Variants in NLRP5 observed in about 807,000 individuals in gnomAD.
The protein encoded by NLRP5 is NLR family pyrin domain containing 5.
NLRP5 carries 93 observed loss-of-function variants against 113.1 expected under a neutral mutation model. That is an observed-to-expected ratio of 0.82 (90% CI 0.70 to 0.98). The LOEUF is 0.98. NLRP5 is among the 50% of genes least tolerant of loss of function. The pLI is 0.00. For missense variants in NLRP5, 1,808 were observed against 1,514.3 expected (o/e 1.19, Z -3.22); for synonymous variants, 751 against 600.7 (o/e 1.25, Z -3.66).
the NLRP5 span, among the ~76,000 whole-genome samples, chr19:55,989,462 G>C: frequency 2.0e-5 from 3 of 152,020 alleles, no homozygotes; most frequent in African/African-American, 7.2e-5. Context: ...CATGTTGGCC[G>C]GGCTGGTCTC....
rs777303712 is a variant in NLRP5, at chr19:56,003,736, G to A, written c.83G>A (p.Gly28Asp). ...TTAAGTCTTGTCACTCTTTCCACAG[G>A]TCCTACTTGCTCTATATTACCAAAG... The change falls in exon 2 of 15, where the codon GGT becomes GAT. Residue 28 changes from glycine (G) to aspartate (D), a missense_variant. By Grantham distance (94) the Gly-to-Asp change is moderately conservative. Transcript: ENST00000390649. 1.2e-6 allele frequency: 2 copies of A among 1,610,040 alleles called. No individual in the cohort carries two copies. The highest frequency in any genetic ancestry group is 1.1e-5 in the South Asian group (1 of 90,416).
chr19:56,052,255 T>TTGTTTTTGTTTTTGTTTC (rs1204130256), intron 12 of NLRP5, among the ~76,000 whole-genome samples: 1 of 112,488 alleles, frequency 8.9e-6, no homozygotes, highest in Non-Finnish European at 2.3e-5. Context: ...TGTTTTGTTT[T>TTGTTTTTGTTTTTGTTTC]TGTTTTTGTT....
At chr19:56,009,716 T>C (rs995632493) in intron 3 of NLRP5, among the ~76,000 whole-genome samples, 4 of 152,194 alleles carry the variant, frequency 2.6e-5, no homozygotes, top group Admixed American at 6.6e-5. Context: ...AATTCTCCTC[T>C]GCTACCTGCG....
At chr19:56,023,742 G>C (rs1786178184) in intron 6 of NLRP5, among the ~76,000 whole-genome samples, 1 of 152,200 alleles carries the variant, frequency 6.6e-6, no homozygotes, top group South Asian at 2.1e-4. Flanking sequence ...TCAGGGACTT[G>C]AGTATCTGGA....
intron 6 of NLRP5, among the ~76,000 whole-genome samples, chr19:56,023,382 C>T (rs1034923426): frequency 6.6e-6 from 1 of 152,174 alleles, no homozygotes; most frequent in Non-Finnish European, 1.5e-5. Flanking sequence ...TCTGTTAACA[C>T]GTCCCCTGAT....
the NLRP5 span, among the ~76,000 whole-genome samples, chr19:55,994,621 C>T: frequency 3.3e-5 from 5 of 152,210 alleles, no homozygotes; most frequent in African/African-American, 1.2e-4. Context: ...TGGTCTCGAT[C>T]TCCTGACCTC....
the NLRP5 span, among the ~76,000 whole-genome samples, chr19:55,991,442 T>C: frequency 6.6e-6 from 1 of 152,178 alleles, no homozygotes; most frequent in Non-Finnish European, 1.5e-5. Context: ...ATTATACTGA[T>C]GGAGGATGAC....
At chr19:56,025,718 C>G (rs1355317864) in intron 6 of NLRP5, among the ~76,000 whole-genome samples, 8 of 152,006 alleles carry the variant, frequency 5.3e-5, no homozygotes, top group Non-Finnish European at 5.9e-5. Flanking sequence ...CCATTCCCCT[C>G]TTTATGTACA....
At position 56,033,588 on chromosome 19, in the gene NLRP5, A is replaced by C. The variant is rs1184418386; in HGVS notation, c.2494A>C (p.Ile832Leu). The C allele has an allele frequency of 6.2e-7, 1 of 1,613,784 alleles. No individual in the cohort carries two copies. ...CCCTGGTGTGCAGCACCTCTGGAGA[A>C]TCGTCATGGCCAACCGTAACCTAAG... The change falls in exon 9 of 15, where the codon ATC (isoleucine) becomes CTC (leucine). Residue 832 changes from isoleucine (I) to leucine (L), a missense_variant. By Grantham distance (5) the Ile-to-Leu change is conservative (BLOSUM62 2). Transcript: ENST00000390649.
At chr19:56,000,796 A>C (rs1255852105) in intron 1 of NLRP5, among the ~76,000 whole-genome samples, 1 of 151,342 alleles carries the variant, frequency 6.6e-6, no homozygotes, top group African/African-American at 2.4e-5. Flanking sequence ...TCATGAGGTC[A>C]AGAGATAGAG....
intron 3 of NLRP5, among the ~76,000 whole-genome samples, chr19:56,013,417 A>C (rs531325792): frequency 2.2e-4 from 33 of 151,814 alleles, no homozygotes; most frequent in East Asian, 9.7e-4. Context: ...TTGTCTCGAT[A>C]TCCTGACCTT....
At chr19:56,002,827 G>T (rs1419948676) in intron 1 of NLRP5, among the ~76,000 whole-genome samples, 1 of 151,906 alleles carries the variant, frequency 6.6e-6, no homozygotes, top group African/African-American at 2.4e-5. Context: ...AGTATTCCAT[G>T]GTGTATATGT....
intron 10 of NLRP5, among the ~76,000 whole-genome samples, chr19:56,038,797 C>T (rs1568496592): frequency 6.6e-6 from 1 of 152,164 alleles, no homozygotes. Flanking sequence ...TTCTGCACCC[C>T]TAACACCTAA....
At chr19:56,043,628 T>G (rs565239986) in intron 11 of NLRP5, among the ~76,000 whole-genome samples, 2 of 140,626 alleles carry the variant, frequency 1.4e-5, no homozygotes, top group African/African-American at 5.5e-5. Context: ...TGCAGTGGCG[T>G]GATCTCCGGT....
chr19:56,015,607 C>T, intron 3 of NLRP5, 135 bp from the exon 4 acceptor site: 1 of 562,464 alleles, frequency 1.8e-6, no homozygotes. Flanking sequence ...TGGCGCTGAG[C>T]CAGTGGTTCT....
At chr19:56,005,368 CACATAT>C (rs1456480470) in intron 2 of NLRP5, among the ~76,000 whole-genome samples, 1 of 145,692 alleles carries the variant, frequency 6.9e-6, no homozygotes, top group Non-Finnish European at 1.5e-5. Flanking sequence ...TTTATATACA[CACATAT>C]ATATTTATAT....
intron 4 of NLRP5, 78 bp downstream of exon 4, chr19:56,015,876 C>CG: frequency 2.8e-6 from 3 of 1,065,830 alleles, no homozygotes; most frequent in East Asian, 5.6e-5. Context: ...GTTCAAAGGA[C>CG]GGGGAAATCC....
intron 2 of NLRP5, among the ~76,000 whole-genome samples, chr19:56,004,466 C>T (rs1212535738): frequency 6.6e-6 from 1 of 152,132 alleles, no homozygotes. Context: ...AAATGTGTTA[C>T]TGTGTGTGCC....
chr19:56,032,737 G>C lies in NLRP5; in HGVS notation c.2403G>C (p.Leu801=), dbSNP rs765576559. 27 of 1,612,704 alleles carry C rather than the reference G, an allele frequency of 1.7e-5. No individual in the cohort carries two copies. The highest frequency in any genetic ancestry group is 2.7e-5 in the African/African-American group (2 of 74,906). Reference sequence around the variant, plus strand: ...TGACAGAGCGGGCCATGAAGACCCTGTGTGCCAAGCTGAGGCATCCCACCT... The same window carrying C: ...TGACAGAGCGGGCCATGAAGACCCTCTGTGCCAAGCTGAGGCATCCCACCT... The change falls in exon 8 of 15, where the codon CTG becomes CTC. Residue 801 remains leucine, a synonymous_variant. Coordinates refer to ENST00000390649, the MANE Select transcript of NLRP5 (RefSeq NM_153447.4).
Sources: allele counts gnomAD v4.1 joint callset (sites outside exome capture counted in the v4.1 genomes callset), GRCh38; gene constraint gnomAD v4.1.1; transcripts MANE v1.5; gene names NCBI Gene and HGNC (gene_info 2026-07-23, HGNC 2026-07-21).